ZNF600: variants seen among roughly 807,000 people sequenced by gnomAD.
ZNF600 encodes the protein zinc finger protein 600.
Under a neutral mutation model 7.3 loss-of-function variants are expected in ZNF600, and 4 were observed. The observed-to-expected ratio is 0.55, with a 90% CI of 0.27 to 1.25. ZNF600 has a LOEUF of 1.25. Ranked by LOEUF, ZNF600 falls within the 50% of genes most tolerant of loss-of-function variation. The pLI is 0.12. For synonymous variants in ZNF600, 290 were observed against 308.9 expected (o/e 0.94, Z 0.64); for missense variants, 911 against 922.1 (o/e 0.99, Z 0.16).
chr19:52,812,126 C>G, the ZNF600 span, among the ~76,000 whole-genome samples: 5 of 118,910 alleles, frequency 4.2e-5, no homozygotes, highest in Admixed American at 1.6e-4. Context: ...CCAGCCGCCC[C>G]GTCCGGGAGG....
At chr19:52,799,247 G>C in the ZNF600 span, 13 of 398,670 alleles carry the variant, frequency 3.3e-5, no homozygotes, top group Non-Finnish European at 4.4e-5. Flanking sequence ...GACCAAAGGT[G>C]TTGCCACACT....
intron 2 of ZNF600, among the ~76,000 whole-genome samples, chr19:52,778,249 AG>A (rs2062692696): frequency 1.3e-5 from 2 of 151,938 alleles, no homozygotes; most frequent in African/African-American, 4.8e-5. Flanking sequence ...CTTGACCTCA[AG>A]TGGTCTTCCT....
intron 1 of ZNF600, among the ~76,000 whole-genome samples, chr19:52,783,608 G>A (rs977770172): frequency 1.4e-4 from 21 of 152,204 alleles, no homozygotes; most frequent in Middle Eastern, 3.4e-3. Context: ...TGATCCGCCC[G>A]CCTCGGCCTC....
In ZNF600 at chr19:52,775,999, C is replaced by CT. The variant is rs2062671680; in HGVS notation, c.64-1299dup. Among the ~76,000 whole-genome samples, 5 of 148,254 alleles carry CT rather than the reference C, an allele frequency of 3.4e-5. No individual in the cohort carries two copies. In the South Asian group the frequency reaches 1.1e-3, roughly 31 times the overall value. ...TCAGCCTGGGTGACAGAGCAATACTCTGACTCCAAAAAAAAAAACCAAAAA... is the reference window on the plus strand; with the variant it reads ...TCAGCCTGGGTGACAGAGCAATACTCTTGACTCCAAAAAAAAAAACCAAAAA... On this transcript the variant is annotated intron_variant, in intron 2 of 3. Transcript: ENST00000648973.
chr19:52,771,512 C>A (rs970695981), intron 3 of ZNF600, among the ~76,000 whole-genome samples: 11 of 151,922 alleles, frequency 7.2e-5, no homozygotes, highest in African/African-American at 2.7e-4. Context: ...CTCACTCTGT[C>A]ACCCGGGCTG....
chr19:52,821,015 G>C, the ZNF600 span, among the ~76,000 whole-genome samples: 8 of 152,104 alleles, frequency 5.3e-5, no homozygotes, highest in African/African-American at 1.9e-4. Flanking sequence ...GGGCGGGCAA[G>C]AACACCCCGC....
chr19:52,772,114 A>G (rs1326344903), intron 3 of ZNF600, among the ~76,000 whole-genome samples: 2 of 152,198 alleles, frequency 1.3e-5, no homozygotes, highest in Admixed American at 6.5e-5. Flanking sequence ...GGAGTTTGAG[A>G]CCAGCCTGAC....
At chr19:52,773,272 A>C (rs1354995711) in intron 3 of ZNF600, among the ~76,000 whole-genome samples, 1 of 152,224 alleles carries the variant, frequency 6.6e-6, no homozygotes, top group African/African-American at 2.4e-5. Flanking sequence ...CTAATTTAGC[A>C]AATGGTAAAA....
the ZNF600 span, chr19:52,799,104 G>T: frequency 2.4e-6 from 1 of 418,854 alleles, no homozygotes; most frequent in Non-Finnish European, 4.6e-6. Context: ...ACATTTGTAA[G>T]ATTTCTCTGC....
the ZNF600 span, chr19:52,810,734 GA>G: frequency 7.2e-6 from 4 of 557,768 alleles, no homozygotes; most frequent in South Asian, 2.8e-5. Flanking sequence ...GGAGAGAGAG[GA>G]AAAAAAGAGG....
In ZNF600 at chr19:52,773,647, G is replaced by A. The variant is rs1208759102; in HGVS notation, c.190+928C>T. Among the ~76,000 whole-genome samples the A allele has an allele frequency of 2.6e-5, 4 of 152,144 alleles. No individual in the cohort carries two copies. The South Asian group carries it at 6.2e-4, about 24-fold the overall frequency. On this transcript the variant is annotated intron_variant, in intron 3 of 3. Transcript: ENST00000648973. ...AGCTCATTAGGAGGATGGATGGGTG[G>A]ATCACAAGGTCAGGAGTTCGAGACC...
chr19:52,817,938 T>C, the ZNF600 span: 2 of 1,610,784 alleles, frequency 1.2e-6, no homozygotes, highest in East Asian at 2.2e-5. Flanking sequence ...GAGAATACCA[T>C]CTCACCTGAG....
At chr19:52,793,259 T>A in the ZNF600 span, among the ~76,000 whole-genome samples, 5 of 152,360 alleles carry the variant, frequency 3.3e-5, no homozygotes, top group African/African-American at 1.2e-4. Flanking sequence ...CCGTCCACCT[T>A]GGGCACATGT....
At chr19:52,810,871 C>G in the ZNF600 span, among the ~76,000 whole-genome samples, 1 of 7,474 alleles carries the variant, frequency 1.3e-4, no homozygotes, top group African/African-American at 7.8e-4. Context: ...CCCTCCCCCT[C>G]CCCCTCCCCC....
the ZNF600 span, chr19:52,818,134 C>G: frequency 8.2e-7 from 1 of 1,216,086 alleles, no homozygotes; most frequent in Non-Finnish European, 1.1e-6. Context: ...GAAATATGGT[C>G]CCCTATGCTG....
At chr19:52,817,808 A>G in the ZNF600 span, 1 of 1,546,432 alleles carries the variant, frequency 6.5e-7, no homozygotes, top group Admixed American at 1.7e-5. Flanking sequence ...GATGAGATGA[A>G]CTGAAGGAAG....
chr19:52,810,942 C>G, the ZNF600 span, among the ~76,000 whole-genome samples: 1 of 129,302 alleles, frequency 7.7e-6, no homozygotes, highest in Non-Finnish European at 1.6e-5. Flanking sequence ...GATGCCGAGC[C>G]AAAGCTGGAC....
At chr19:52,829,403 T>A in the ZNF600 span, among the ~76,000 whole-genome samples, 67,222 of 145,416 alleles carry the variant, frequency 0.46, 17,014 homozygotes, top group Non-Finnish European at 0.58. Context: ...AGAAAGAGTT[T>A]CACTCTTATT....
the ZNF600 span, among the ~76,000 whole-genome samples, chr19:52,822,653 C>T: frequency 2.2e-4 from 33 of 152,238 alleles, no homozygotes; most frequent in African/African-American, 7.0e-4. Context: ...TTGACAACAG[C>T]CTTGGTCGCA....
Sources: gnomAD v4.1 joint callset for allele counts (sites outside exome capture counted in the v4.1 genomes callset) on GRCh38, gnomAD v4.1.1 for gene constraint, MANE v1.5 for transcripts, NCBI Gene and HGNC (gene_info 2026-07-23, HGNC 2026-07-21) for gene names.